Variants in ZBTB20 observed in about 807,000 individuals in gnomAD.
ZBTB20 encodes zinc finger and BTB domain containing 20, also known as zinc finger and BTB domain-containing protein 20.
ZBTB20 carries 9 observed loss-of-function variants against 56.9 expected under a neutral mutation model. The observed-to-expected ratio is 0.16, with a 90% CI of 0.10 to 0.28. The LOEUF is 0.28. Ranked by LOEUF, ZBTB20 falls within the 10% of genes least tolerant of loss-of-function variation. The probability of loss-of-function intolerance (pLI) is 1.00; values close to 1 mark genes in which losing one functional copy is unlikely to be tolerated. For synonymous variants in ZBTB20, 417 were observed against 420.7 expected, an observed-to-expected ratio of 0.99 and a Z score of 0.11; for missense variants, 655 against 1,003.0, an observed-to-expected ratio of 0.65 and a Z score of 4.69.
In ZBTB20 at chr3:114,643,470, A is replaced by G. The variant is rs573683195; in HGVS notation, c.-295+50058T>C. ...CAAATGCTGTGTTGCACATTCTTCA[A>G]TTAAATGATCCCTTTGTAGTTTATT... On this transcript the variant is annotated intron_variant, in intron 6 of 11. Transcript: ENST00000675478. Among the ~76,000 whole-genome samples, 158 of 152,272 alleles carry G rather than the reference A, an allele frequency of 1.0e-3. 1 individual carries two copies. Among genetic ancestry groups the G allele is most frequent in the African/African-American group, 3.6e-3 (148 of 41,588 alleles).
intron 1 of ZBTB20, among the ~76,000 whole-genome samples, chr3:115,114,193 T>G (rs547195613): frequency 6.6e-6 from 1 of 152,128 alleles, no homozygotes; most frequent in Non-Finnish European, 1.5e-5. Flanking sequence ...AACAAAAATT[T>G]GAGTAAATAT....
Position 114,981,160 on chromosome 3 carries a change from G to A in ZBTB20, c.-506-6744C>T, listed in dbSNP as rs190406431. On this transcript the variant is annotated intron_variant, in intron 2 of 11. Coordinates refer to ENST00000675478, the MANE Select transcript of ZBTB20 (RefSeq NM_001348800.3). ...TGTATGAAATTTCCAGGGATCCAGA[G>A]ACCCAATAAAAACCCCTTGCTTTCT... 1.3e-3 allele frequency among the ~76,000 whole-genome samples: 198 copies of A among 151,960 alleles called. 1 individual carries two copies. Among genetic ancestry groups the A allele is most frequent in the Middle Eastern group, 6.8e-3 (2 of 294 alleles).
chr3:114,895,160 G>C (rs2074821730), intron 4 of ZBTB20, among the ~76,000 whole-genome samples: 1 of 152,108 alleles, frequency 6.6e-6, no homozygotes, highest in Non-Finnish European at 1.5e-5. Flanking sequence ...TGTTGAGTTT[G>C]CATAGAAGGA....
At chr3:114,434,450 G>C (rs1031846835) in intron 7 of ZBTB20, among the ~76,000 whole-genome samples, 3 of 151,822 alleles carry the variant, frequency 2.0e-5, no homozygotes, top group Non-Finnish European at 4.4e-5. Context: ...TTCTAGGTCT[G>C]GGTTCTTCCT....
At chr3:114,375,513 A>C (rs2083509979) in intron 10 of ZBTB20, among the ~76,000 whole-genome samples, 1 of 152,184 alleles carries the variant, frequency 6.6e-6, no homozygotes, top group Admixed American at 6.5e-5. Context: ...GAGTAAAATA[A>C]CTTTTTAAGC....
chr3:114,785,320 T>C (rs2108786215), intron 5 of ZBTB20, among the ~76,000 whole-genome samples: 1 of 152,280 alleles, frequency 6.6e-6, no homozygotes, highest in South Asian at 2.1e-4. Context: ...CTCAGCCAGT[T>C]AGATGAAAAA....
intron 7 of ZBTB20, among the ~76,000 whole-genome samples, chr3:114,427,037 T>C (rs1212678942): frequency 6.6e-6 from 1 of 152,182 alleles, no homozygotes; most frequent in African/African-American, 2.4e-5. Context: ...ATGCACATGA[T>C]AGGTATCACT....
intron 2 of ZBTB20, among the ~76,000 whole-genome samples, chr3:114,998,740 T>G (rs2079125141): frequency 6.6e-6 from 1 of 151,524 alleles, no homozygotes; most frequent in Non-Finnish European, 1.5e-5. Flanking sequence ...TTCACAGAGA[T>G]GTGAATCATG....
intron 2 of ZBTB20, among the ~76,000 whole-genome samples, chr3:115,062,290 A>G (rs1386301757): frequency 6.6e-6 from 1 of 152,196 alleles, no homozygotes; most frequent in African/African-American, 2.4e-5. Context: ...GAAACTTACA[A>G]TTCTCTCTCC....
chr3:114,743,060 A>G (rs1176477240), intron 5 of ZBTB20, among the ~76,000 whole-genome samples: 2 of 152,028 alleles, frequency 1.3e-5, no homozygotes, highest in South Asian at 4.2e-4. Flanking sequence ...ACAAGTGACA[A>G]TTTTTTTACA....
At chr3:115,110,209 GAA>G (rs869066317) in intron 1 of ZBTB20, among the ~76,000 whole-genome samples, 2 of 111,552 alleles carry the variant, frequency 1.8e-5, no homozygotes, top group South Asian at 2.8e-4. Flanking sequence ...CTCTGTCTTA[GAA>G]AAAAAAAAAA....
Position 114,846,245 on chromosome 3 carries a change from T to A in ZBTB20, c.-416-45071A>T, listed in dbSNP as rs548957099. Among the ~76,000 whole-genome samples the A allele has an allele frequency of 2.6e-5, 4 of 152,342 alleles. No individual in the cohort carries two copies. The South Asian group carries it at 8.3e-4, about 32-fold the overall frequency. ...CAAAGCGGTCAAGCAGCTGAGAGAA[T>A]TCACCATACTGATGAGCTTTCCTCC... On this transcript the variant is annotated intron_variant, in intron 4 of 11. Coordinates refer to ENST00000675478, the MANE Select transcript of ZBTB20 (RefSeq NM_001348800.3).
rs143092754 is a variant in ZBTB20 at position 114,428,344 on chromosome 3, T to C, written c.-254-39239A>G. Reference sequence around the variant, plus strand: ...ACCAAGAAATACCTCACTCCGGAAATGGTAAGGCTGACGAAAGCAGACTAT... The same window carrying C: ...ACCAAGAAATACCTCACTCCGGAAACGGTAAGGCTGACGAAAGCAGACTAT... On this transcript the variant is annotated intron_variant, in intron 7 of 11. Coordinates refer to ENST00000675478, the MANE Select transcript of ZBTB20 (RefSeq NM_001348800.3). Among the ~76,000 whole-genome samples the C allele has an allele frequency of 2.1e-3, 315 of 152,158 alleles. 2 individuals are homozygous for C. Among genetic ancestry groups the C allele is most frequent in the African/African-American group, 7.3e-3 (302 of 41,494 alleles).
At chr3:114,657,242 A>G (rs1191925319) in intron 6 of ZBTB20, among the ~76,000 whole-genome samples, 1 of 152,226 alleles carries the variant, frequency 6.6e-6, no homozygotes, top group African/African-American at 2.4e-5. Flanking sequence ...ATTATTTGAC[A>G]GAAACTTTCA....
chr3:114,489,459 A>C (rs1394107287), intron 7 of ZBTB20, among the ~76,000 whole-genome samples: 1 of 152,162 alleles, frequency 6.6e-6, no homozygotes, highest in Non-Finnish European at 1.5e-5. Context: ...TTTATGTGAT[A>C]TTATTCAGAT....
At chr3:114,499,119 T>C (rs186086267) in intron 7 of ZBTB20, among the ~76,000 whole-genome samples, 3 of 152,308 alleles carry the variant, frequency 2.0e-5, no homozygotes, top group East Asian at 3.9e-4. Context: ...AGCATGCATA[T>C]TGACATCCTC....
At chr3:114,529,236 GTT>G (rs1363613543) in intron 6 of ZBTB20, 3 of 152,136 alleles carry the variant, frequency 2.0e-5, no homozygotes, top group Non-Finnish European at 4.4e-5. Context: ...TCCATTAAAA[GTT>G]CCTGTGTAAT....
At chr3:115,020,939 C>T (rs955560640) in intron 2 of ZBTB20, among the ~76,000 whole-genome samples, 1 of 150,892 alleles carries the variant, frequency 6.6e-6, no homozygotes, top group Non-Finnish European at 1.5e-5. Flanking sequence ...TATGGTATAA[C>T]TTTGTACGAT....
chr3:114,369,869 A>C (rs1222041838), intron 10 of ZBTB20, among the ~76,000 whole-genome samples: 1 of 152,250 alleles, frequency 6.6e-6, no homozygotes, highest in Non-Finnish European at 1.5e-5. Context: ...ATTGTTTTAA[A>C]AATTGTTAAG....
Sources: allele counts gnomAD v4.1 joint callset (sites outside exome capture counted in the v4.1 genomes callset), GRCh38; gene constraint gnomAD v4.1.1; transcripts MANE v1.5; gene names NCBI Gene and HGNC (gene_info 2026-07-23, HGNC 2026-07-21).